The following PSD2 variants were observed in gnomAD, a reference collection of about 807,000 sequenced individuals.
PSD2 encodes the protein PH and SEC7 domain-containing protein 2.
A neutral mutation model predicts 69.8 loss-of-function variants in PSD2; 38 were observed. The ratio of observed to expected loss-of-function variants is 0.54; its 90% CI spans 0.42 to 0.71. PSD2 has a LOEUF of 0.71. Ranked by LOEUF, PSD2 falls within the 30% of genes least tolerant of loss-of-function variation. The pLI, the probability that PSD2 is intolerant of heterozygous loss-of-function variation, is 0.00. For missense variants in PSD2, 943 were observed against 1,014.5 expected (o/e 0.93, Z 0.96); for synonymous variants, 412 against 423.0 (o/e 0.97, Z 0.32).
chr5:139,754,255 C>A, the PSD2 span, among the ~76,000 whole-genome samples: 1 of 152,152 alleles, frequency 6.6e-6, no homozygotes, highest in African/African-American at 2.4e-5. Context: ...CATGGGGAAA[C>A]CCCATCTCTA....
intron 7 of PSD2, among the ~76,000 whole-genome samples, chr5:139,827,404 C>G (rs1760453071): frequency 6.6e-6 from 1 of 152,178 alleles, no homozygotes; most frequent in African/African-American, 2.4e-5. Flanking sequence ...GACTTGGATA[C>G]AGGTACAGTA....
the PSD2 span, among the ~76,000 whole-genome samples, chr5:139,776,007 A>G: frequency 7.3e-5 from 11 of 151,528 alleles, no homozygotes; most frequent in East Asian, 3.9e-4. Flanking sequence ...CCCCCACCAC[A>G]CTCTGCCTCA....
At chr5:139,795,225 C>CA (rs1041257322), upstream of PSD2, among the ~76,000 whole-genome samples, 4 of 152,260 alleles carry the variant, frequency 2.6e-5, no homozygotes, top group African/African-American at 9.6e-5. This position sits in a 1 kb window ranked among gnomAD's most constrained non-coding sequence, Gnocchi z 4.5. Flanking sequence ...GCCCAGGTCT[C>CA]CGTCCCGTCC....
At chr5:139,798,852 A>G (rs1759596792) in intron 1 of PSD2, among the ~76,000 whole-genome samples, 1 of 152,146 alleles carries the variant, frequency 6.6e-6, no homozygotes, top group South Asian at 2.1e-4. Flanking sequence ...AAATTTCTCT[A>G]GTTGTCTCAG....
intron 7 of PSD2, 96 bp downstream of exon 7, chr5:139,822,880 C>A (rs111472454): frequency 3.5e-6 from 4 of 1,128,758 alleles, no homozygotes; most frequent in East Asian, 2.8e-5. Flanking sequence ...ACTCAGTGGC[C>A]GGGCTTCTTT....
chr5:139,838,564 T>G, intron 12 of PSD2, 64 bp from the exon 13 acceptor site: 4 of 1,566,128 alleles, frequency 2.6e-6, no homozygotes, highest in Non-Finnish European at 3.5e-6. Context: ...GGGTACGGGA[T>G]GCTGAGTAGG....
intron 2 of PSD2, among the ~76,000 whole-genome samples, chr5:139,811,213 C>T (rs1299757582): frequency 1.3e-5 from 2 of 152,286 alleles, no homozygotes; most frequent in South Asian, 4.1e-4. Flanking sequence ...ATTTCTGTCC[C>T]CCTCCCCACT....
chr5:139,810,431 A>G (rs1290922099), intron 2 of PSD2, among the ~76,000 whole-genome samples: 2 of 152,196 alleles, frequency 1.3e-5, no homozygotes, highest in African/African-American at 4.8e-5. Flanking sequence ...TGAGAAAAGA[A>G]AGCATTTAGA....
At chr5:139,779,055 T>C in the PSD2 span, among the ~76,000 whole-genome samples, 1 of 151,548 alleles carries the variant, frequency 6.6e-6, no homozygotes, top group Non-Finnish European at 1.5e-5. Context: ...TGCATTTGCC[T>C]CCTAAATGCT....
intron 7 of PSD2, among the ~76,000 whole-genome samples, chr5:139,825,883 C>A (rs982655362): frequency 6.6e-6 from 1 of 152,132 alleles, no homozygotes; most frequent in African/African-American, 2.4e-5. Flanking sequence ...CATGTCCCTG[C>A]AGAGAGAACA....
intron 1 of PSD2, among the ~76,000 whole-genome samples, chr5:139,796,661 A>G (rs1759537911): frequency 6.6e-6 from 1 of 152,192 alleles, no homozygotes; most frequent in South Asian, 2.1e-4. Context: ...AACCCTGCCC[A>G]GCGGGCCCCC....
chr5:139,822,330 G>A (rs774907939), intron 6 of PSD2, among the ~76,000 whole-genome samples: 6 of 152,202 alleles, frequency 3.9e-5, no homozygotes, highest in Admixed American at 2.6e-4. Flanking sequence ...CTAGGTCGGG[G>A]TCCTCTTAGG....
the PSD2 span, among the ~76,000 whole-genome samples, chr5:139,758,161 C>A: frequency 6.6e-6 from 1 of 152,106 alleles, no homozygotes; most frequent in Non-Finnish European, 1.5e-5. Context: ...TGTAGGGGTG[C>A]CTTGTCTGGT....
intron 1 of PSD2, among the ~76,000 whole-genome samples, chr5:139,796,832 A>T (rs763506893): frequency 2.0e-5 from 3 of 152,180 alleles, no homozygotes; most frequent in Non-Finnish European, 4.4e-5. Flanking sequence ...CAGGGAGCAG[A>T]AGCAGCAGTC....
At position 139,809,542 on chromosome 5, in the gene PSD2, G is replaced by A. The variant is rs928716030; in HGVS notation, c.102G>A (p.Met34Ile). Residue 34 changes from methionine (M) to isoleucine (I), a missense_variant, in exon 2 of 15, where the codon ATG becomes ATA. This residue lies in a region of PSD2 where 466 missense variants were observed against 445.0 expected (regional missense o/e 1.05). Transcript: ENST00000274710. ...AGGAGCCAGGGGTCCGGAATGGGAT[G>A]GCCAGTGAGGGCCTGAACAGCAGCC... ...PEEEPGVRNGMASEGLNSSLC... is the reference protein window; with the variant it reads ...PEEEPGVRNGIASEGLNSSLC... 4.3e-6 allele frequency: 7 copies of A among 1,613,492 alleles called. No homozygotes were observed. In the African/African-American group the frequency reaches 8.0e-5, roughly 18 times the overall value.
At chr5:139,758,190 G>A in the PSD2 span, among the ~76,000 whole-genome samples, 439 of 152,270 alleles carry the variant, frequency 2.9e-3, no homozygotes, top group Middle Eastern at 6.8e-3. Flanking sequence ...CCGGTGGAGC[G>A]TGCTTTCTGC....
At position 139,843,568 on chromosome 5, in the gene PSD2, A is replaced by C. The variant is rs569963833; in HGVS notation, c.*1094A>C. Reference sequence around the variant, plus strand: ...TCTGTCTCGCAAATGGCTGCTTGTCAACAAGCCCAAAGATGCTTGTCGGAG... The same window carrying C: ...TCTGTCTCGCAAATGGCTGCTTGTCCACAAGCCCAAAGATGCTTGTCGGAG... On this transcript the variant is annotated 3_prime_UTR_variant, in exon 15 of 15. Coordinates refer to ENST00000274710, the MANE Select transcript of PSD2 (RefSeq NM_032289.4). The C allele has an allele frequency of 6.6e-6, 1 of 152,368 alleles. No individual in the cohort carries two copies. The highest frequency in any genetic ancestry group is 2.1e-4 in the South Asian group (1 of 4,828). 9.4% of individuals were successfully genotyped at this position (152,368 alleles called of 1,614,324 possible).
Position 139,822,011 on chromosome 5 carries a change from GC to G in PSD2, c.1210+10del. The G allele has an allele frequency of 2.5e-6, 4 of 1,577,844 alleles. No homozygotes were observed. Among genetic ancestry groups the G allele is most frequent in the Non-Finnish European group, 3.5e-6 (4 of 1,153,702 alleles). ...TGATGACAGCACTTCGGAAGGTATGGCCCCTTGCCCACTCTGCCTGACCCTC... is the reference window on the plus strand; with the variant it reads ...TGATGACAGCACTTCGGAAGGTATGGCCCTTGCCCACTCTGCCTGACCCTC... On this transcript the variant is annotated splice_region_variant and intron_variant, in intron 6 of 14. Transcript: ENST00000274710.
chr5:139,767,024 G>A, the PSD2 span, among the ~76,000 whole-genome samples: 6 of 128,216 alleles, frequency 4.7e-5, no homozygotes, highest in Non-Finnish European at 6.3e-5. Flanking sequence ...TCAGAGTCTC[G>A]CTCTGTCACC....
Sources: gnomAD v4.1 joint callset for allele counts (sites outside exome capture counted in the v4.1 genomes callset) on GRCh38, gnomAD v4.1.1 for gene constraint, gnomAD v4.1.1 regional missense constraint, Gnocchi (gnomAD v3.1) non-coding constraint, MANE v1.5 for transcripts, NCBI Gene and HGNC (gene_info 2026-07-23, HGNC 2026-07-21) for gene names.